Variants in PAQR5 observed in about 807,000 individuals in gnomAD.
PAQR5 encodes progestin and adipoQ receptor family member 5.
Under a neutral mutation model 34.5 loss-of-function variants are expected in PAQR5, and 20 were observed. The ratio of observed to expected loss-of-function variants is 0.58; its 90% CI spans 0.41 to 0.84. The LOEUF is 0.84. Ranked by LOEUF, PAQR5 falls within the 40% of genes least tolerant of loss-of-function variation. The probability of loss-of-function intolerance (pLI) is 0.00; values close to 1 mark genes in which losing one functional copy is unlikely to be tolerated. For synonymous variants in PAQR5, 131 were observed against 155.6 expected (o/e 0.84, Z 1.18); for missense variants, 378 against 412.7 (o/e 0.92, Z 0.73).
intron 1 of PAQR5, among the ~76,000 whole-genome samples, chr15:69,311,701 T>C (rs1385605605): frequency 6.6e-6 from 1 of 152,170 alleles, no homozygotes; most frequent in East Asian, 1.9e-4. Flanking sequence ...CTTTTCCCGT[T>C]GAAACCCAAT....
At chr15:69,309,575 T>C (rs563010234) in intron 1 of PAQR5, among the ~76,000 whole-genome samples, 27 of 152,140 alleles carry the variant, frequency 1.8e-4, no homozygotes, top group African/African-American at 6.5e-4. Context: ...TCCTCCTATC[T>C]CCCCCGATCT....
intron 1 of PAQR5, among the ~76,000 whole-genome samples, chr15:69,324,062 T>C (rs967089805): frequency 6.6e-6 from 1 of 150,448 alleles, no homozygotes; most frequent in African/African-American, 2.5e-5. Flanking sequence ...GGGAATATCA[T>C]TCAGCTTTTT....
chr15:69,329,840 C>T (rs1002924640), intron 1 of PAQR5, among the ~76,000 whole-genome samples: 4 of 152,118 alleles, frequency 2.6e-5, no homozygotes, highest in African/African-American at 9.7e-5. Flanking sequence ...GGCTCACTCT[C>T]CTGAATGTGT....
At chr15:69,335,551 T>TG (rs1410452037) in intron 1 of PAQR5, among the ~76,000 whole-genome samples, 11 of 132,630 alleles carry the variant, frequency 8.3e-5, no homozygotes, top group African/African-American at 2.9e-4. Context: ...AGTTTTTTTT[T>TG]TTTTTTTTTT....
At chr15:69,381,264 C>CAG (rs1274381249) in intron 4 of PAQR5, among the ~76,000 whole-genome samples, 4 of 152,240 alleles carry the variant, frequency 2.6e-5, no homozygotes, top group Non-Finnish European at 5.9e-5. Flanking sequence ...GCTTCCTATG[C>CAG]GTCCTCCTGG....
intron 1 of PAQR5, among the ~76,000 whole-genome samples, chr15:69,324,820 G>A (rs1296787272): frequency 6.6e-6 from 1 of 151,654 alleles, no homozygotes; most frequent in African/African-American, 2.4e-5. Flanking sequence ...CCATGGCCCT[G>A]TCCTGCTATA....
Position 69,400,062 on chromosome 15 carries a change from T to C in PAQR5, c.698T>C (p.Leu233Ser). Residue 233 changes from leucine to serine, a missense_variant, in exon 8 of 9, where the codon TTG becomes TCG. Physicochemically the swap from Leu to Ser is moderately radical, Grantham distance 145 (BLOSUM62 -2). Transcript: ENST00000395407. The stretch of plus-strand genomic sequence containing the variant: ...ATCATGACCCTCCTGGCCTCTTTCT[T>C]GTACTCTGCACATCTGCCAGAACGC... Reference protein sequence around the residue: ...HMIMTLLASFLYSAHLPERLA... With the variant: ...HMIMTLLASFSYSAHLPERLA... 1 of 1,614,222 alleles carries C rather than the reference T, an allele frequency of 6.2e-7. No homozygotes were observed. The highest frequency in any genetic ancestry group is 8.5e-7 in the Non-Finnish European group (1 of 1,180,032).
At chr15:69,332,947 G>T (rs1910381) in intron 1 of PAQR5, among the ~76,000 whole-genome samples, 29,794 of 151,814 alleles carry the variant, frequency 0.2, 3,098 homozygotes, top group African/African-American at 0.27. Context: ...TGTTAAAGTC[G>T]GGTAATAAAA....
Position 69,405,779 on chromosome 15 carries a change from T to G in PAQR5, c.*1957T>G, listed in dbSNP as rs1030624065. On this transcript the variant is annotated 3_prime_UTR_variant, in exon 9 of 9. Transcript: ENST00000395407. ...ATTTTTAGATTATTTAATCTTTGCT[T>G]ATGTTGCTTTTTCACATGCTTAATG... The G allele has an allele frequency of 6.6e-6, 1 of 152,220 alleles. No individual in the cohort carries two copies. The highest frequency in any genetic ancestry group is 2.4e-5 in the African/African-American group (1 of 41,464). 9.4% of individuals were successfully genotyped at this position (152,220 alleles called of 1,614,324 possible). A position where few individuals can be genotyped will look rare whatever the true frequency, so the allele number is the denominator to read the frequency against.
rs1402095327 is a variant in PAQR5, at chr15:69,300,869, C to A, written c.-277+1813C>A. Among the ~76,000 whole-genome samples the A allele has an allele frequency of 1.9e-4, 4 of 21,570 alleles. 1 individual carries two copies. Among genetic ancestry groups the A allele is most frequent in the Admixed American group, 6.1e-4 (1 of 1,628 alleles). 14.2% of individuals were successfully genotyped at this position (21,570 alleles called of 152,430 possible). On this transcript the variant is annotated intron_variant, in intron 1 of 8. Coordinates refer to ENST00000395407, the MANE Select transcript of PAQR5 (RefSeq NM_017705.4). ...TCTTTCTTTCTTTCTTTCTTTCTTTCTTTCTTTCTTTCTTTCTTTCTTTCT... is the reference window on the plus strand; with the variant it reads ...TCTTTCTTTCTTTCTTTCTTTCTTTATTTCTTTCTTTCTTTCTTTCTTTCT...
chr15:69,376,060 C>T (rs1333548045), intron 3 of PAQR5, among the ~76,000 whole-genome samples: 1 of 152,186 alleles, frequency 6.6e-6, no homozygotes, highest in African/African-American at 2.4e-5. Flanking sequence ...AAAGGGAAAA[C>T]TTGCTGATGT....
chr15:69,300,062 C>T (rs1047164824), intron 1 of PAQR5, among the ~76,000 whole-genome samples: 2 of 152,136 alleles, frequency 1.3e-5, no homozygotes, highest in Admixed American at 6.5e-5. Flanking sequence ...GGGTTTCCCA[C>T]CGCATCCTTC....
intron 1 of PAQR5, among the ~76,000 whole-genome samples, chr15:69,321,455 A>G (rs945135124): frequency 6.6e-6 from 1 of 152,204 alleles, no homozygotes; most frequent in Non-Finnish European, 1.5e-5. Context: ...CAATTACTTC[A>G]GTATACATCT....
intron 3 of PAQR5, among the ~76,000 whole-genome samples, chr15:69,374,617 C>T (rs1027216572): frequency 1.3e-5 from 2 of 152,190 alleles, no homozygotes; most frequent in Non-Finnish European, 2.9e-5. Context: ...GCAGAGCTTG[C>T]AGGGAGCCGA....
intron 2 of PAQR5, among the ~76,000 whole-genome samples, chr15:69,346,769 G>GCAC (rs2054785393): frequency 6.7e-6 from 1 of 150,036 alleles, no homozygotes. Flanking sequence ...CTGCAGGCAT[G>GCAC]CACCACCACA....
At chr15:69,318,306 C>T (rs912811339) in intron 1 of PAQR5, among the ~76,000 whole-genome samples, 7 of 152,200 alleles carry the variant, frequency 4.6e-5, no homozygotes, top group African/African-American at 9.7e-5. Flanking sequence ...GCAGCTTGTT[C>T]GAAGCACAAG....
chr15:69,315,243 C>T (rs1231333337), intron 1 of PAQR5, among the ~76,000 whole-genome samples: 4 of 152,182 alleles, frequency 2.6e-5, no homozygotes, highest in Admixed American at 2.0e-4. Context: ...GCCCCTTCTG[C>T]TCTCATGTGT....
intron 1 of PAQR5, among the ~76,000 whole-genome samples, chr15:69,330,347 A>G (rs934100764): frequency 1.3e-5 from 2 of 152,236 alleles, no homozygotes. Context: ...TTTATGGTTT[A>G]AACAAAAATG....
At chr15:69,379,846 G>T in intron 3 of PAQR5, 37 bp from the exon 4 acceptor site, 1 of 1,605,770 alleles carries the variant, frequency 6.2e-7, no homozygotes, top group South Asian at 1.1e-5. Context: ...GCCACCCTCT[G>T]GTCTCACCTC....
Sources: gnomAD v4.1 joint callset for allele counts (sites outside exome capture counted in the v4.1 genomes callset) on GRCh38, gnomAD v4.1.1 for gene constraint, MANE v1.5 for transcripts, NCBI Gene and HGNC (gene_info 2026-07-23, HGNC 2026-07-21) for gene names.